The following HECW1 variants were observed in gnomAD, a reference collection of about 807,000 sequenced individuals.
The protein encoded by HECW1 is HECT, C2 and WW domain containing E3 ubiquitin protein ligase 1, also known as E3 ubiquitin-protein ligase HECW1.
In HECW1, 61 loss-of-function variants were observed where a neutral mutation model predicts 182.3. The ratio of observed to expected loss-of-function variants is 0.33; its 90% CI spans 0.27 to 0.41. The LOEUF is 0.41. Ranked by LOEUF, HECW1 falls within the 10% of genes least tolerant of loss-of-function variation. HECW1 has a pLI of 1.00. For synonymous variants in HECW1, 859 were observed against 832.6 expected (o/e 1.03, Z -0.55); for missense variants, 1,739 against 2,108.9 (o/e 0.82, Z 3.44).
intron 24 of HECW1, among the ~76,000 whole-genome samples, chr7:43,537,015 A>T (rs1472030532): frequency 6.6e-6 from 1 of 152,198 alleles, no homozygotes; most frequent in Non-Finnish European, 1.5e-5. Flanking sequence ...AGAGGCTGAG[A>T]CGGTAGAAGC....
chr7:43,491,984 A>C, intron 17 of HECW1, 91 bp from the exon 18 acceptor site: 1 of 903,762 alleles, frequency 1.1e-6, no homozygotes, highest in South Asian at 1.5e-5. Context: ...TGACTTCAAA[A>C]TCTTTTACCC....
At chr7:43,535,168 G>A (rs35960515) in intron 24 of HECW1, among the ~76,000 whole-genome samples, 15,777 of 152,226 alleles carry the variant, frequency 0.1, 962 homozygotes, top group East Asian at 0.28. Context: ...CAAATGGCCC[G>A]AAGAAGAGTC....
chr7:43,425,094 G>A (rs564778335), intron 8 of HECW1, among the ~76,000 whole-genome samples: 22 of 152,198 alleles, frequency 1.4e-4, no homozygotes, highest in Admixed American at 4.6e-4. Flanking sequence ...GCAGCCTGCC[G>A]GTAATGTGGA....
At chr7:43,396,220 T>G (rs901037039) in intron 6 of HECW1, among the ~76,000 whole-genome samples, 1 of 152,168 alleles carries the variant, frequency 6.6e-6, no homozygotes, top group African/African-American at 2.4e-5. Flanking sequence ...TTTAGCAACA[T>G]TGTTTTCAAA....
In HECW1 at chr7:43,508,103, C is replaced by G; in HGVS notation, c.3838C>G (p.Leu1280Val). The change falls in exon 23 of 30, where the codon CTC becomes GTC. Residue 1280 changes from leucine (L) to valine (V), a missense_variant. Around this residue, in one of 5 missense-constraint regions of HECW1, gnomAD observed 420 missense variants for 595.7 expected, o/e 0.71. Transcript: ENST00000395891. ...GCGGAAAGAGCTCCAGCGAAACAAGCTCTACGTCACCTTTGTTGGAGAGGA... is the reference window on the plus strand; with the variant it reads ...GCGGAAAGAGCTCCAGCGAAACAAGGTCTACGTCACCTTTGTTGGAGAGGA... The part of the protein sequence containing the change: ...YSRKELQRNK[L>V]YVTFVGEEGL... The G allele has an allele frequency of 6.2e-7, 1 of 1,613,852 alleles. No individual in the cohort carries two copies.
In HECW1 at chr7:43,360,695, A is replaced by G. The variant is rs113866271; in HGVS notation, c.461-191A>G. Reference sequence around the variant, plus strand: ...ATACAAAAATGTTAAGGCCAGAACAATTTTTCATGTCACAGTTTTAAGAAG... The same window carrying G: ...ATACAAAAATGTTAAGGCCAGAACAGTTTTTCATGTCACAGTTTTAAGAAG... On this transcript the variant is annotated intron_variant, in intron 5 of 29. Transcript: ENST00000395891. 5.7e-3 allele frequency among the ~76,000 whole-genome samples: 863 copies of G among 152,170 alleles called. 10 individuals carry two copies. Among genetic ancestry groups the G allele is most frequent in the African/African-American group, 0.02 (826 of 41,492 alleles).
chr7:43,449,644 C>G (rs1030720170), intron 11 of HECW1, among the ~76,000 whole-genome samples: 1 of 152,220 alleles, frequency 6.6e-6, no homozygotes, highest in Non-Finnish European at 1.5e-5. Context: ...TTTTCAGTCT[C>G]TCTCCTTTTT....
chr7:43,304,683 G>A (rs1404461103), intron 3 of HECW1, among the ~76,000 whole-genome samples: 7 of 152,022 alleles, frequency 4.6e-5, no homozygotes, highest in Non-Finnish European at 8.8e-5. Context: ...TAGTAGAGAC[G>A]GGGTTTCACC....
At chr7:43,308,367 CAT>C (rs1335269135) in intron 3 of HECW1, among the ~76,000 whole-genome samples, 23 of 103,990 alleles carry the variant, frequency 2.2e-4, no homozygotes, top group Non-Finnish European at 3.5e-4. Flanking sequence ...TATAATATAA[CAT>C]ATAATATATT....
intron 9 of HECW1, chr7:43,440,624 A>C (rs910225932): frequency 6.6e-6 from 1 of 152,250 alleles, no homozygotes; most frequent in African/African-American, 2.4e-5. Flanking sequence ...CTGAAAGTAA[A>C]TGCAAAGCAT....
chr7:43,529,502 C>G lies in HECW1; in HGVS notation c.4020-11661C>G, dbSNP rs192553990. Among the ~76,000 whole-genome samples the G allele has an allele frequency of 1.4e-3, 215 of 152,262 alleles. 1 individual carries two copies. Among genetic ancestry groups the G allele is most frequent in the Non-Finnish European group, 2.0e-3 (136 of 68,016 alleles). On this transcript the variant is annotated intron_variant, in intron 24 of 29. Coordinates refer to ENST00000395891, the MANE Select transcript of HECW1 (RefSeq NM_015052.5). ...TCCCTGACCTCAGAAAGTGCCACAG[C>G]AAAGCTCACCAGTCCTGTTACAGGG...
chr7:43,549,044 T>C (rs919097146), intron 26 of HECW1, among the ~76,000 whole-genome samples: 6 of 152,222 alleles, frequency 3.9e-5, no homozygotes, highest in African/African-American at 1.4e-4. Flanking sequence ...CCTGCACTCT[T>C]AGCCCAGATG....
rs772206662 is a variant in HECW1, at chr7:43,509,073, C to T, written c.3971C>T (p.Thr1324Met). Residue 1324 changes from threonine to methionine, a missense_variant, in exon 24 of 30, where the codon ACG becomes ATG. By Grantham distance (81) the Thr-to-Met change is moderately conservative. Around this residue, in one of 5 missense-constraint regions of HECW1, gnomAD observed 420 missense variants for 595.7 expected, o/e 0.71. Transcript: ENST00000395891. ...LFEYSANDTY[T>M]VQISPMSAFV... ...GAGTACTCGGCAAATGATACTTACA[C>T]GGTGCAGATCAGCCCCATGTCCGCA... 47 of 1,613,978 alleles carry T rather than the reference C, an allele frequency of 2.9e-5. No individual in the cohort carries two copies. Among genetic ancestry groups the T allele is most frequent in the Non-Finnish European group, 3.7e-5 (44 of 1,179,952 alleles).
chr7:43,285,221 G>A (rs1480377812), intron 3 of HECW1, among the ~76,000 whole-genome samples: 1 of 152,162 alleles, frequency 6.6e-6, no homozygotes, highest in Non-Finnish European at 1.5e-5. Flanking sequence ...CCTGGGATTA[G>A]ATATGTAGAC....
At chr7:43,265,102 A>G (rs1369593245) in intron 3 of HECW1, among the ~76,000 whole-genome samples, 1 of 152,164 alleles carries the variant, frequency 6.6e-6, no homozygotes, top group Non-Finnish European at 1.5e-5. Flanking sequence ...AACAACCCTC[A>G]TATTTTAGTG....
intron 24 of HECW1, among the ~76,000 whole-genome samples, chr7:43,519,910 A>G (rs1307309576): frequency 6.6e-6 from 1 of 152,208 alleles, no homozygotes; most frequent in East Asian, 1.9e-4. Flanking sequence ...GATAAAAAAT[A>G]TGGAAGGGCA....
chr7:43,400,963 C>A (rs1326645404), intron 7 of HECW1, among the ~76,000 whole-genome samples: 2 of 152,192 alleles, frequency 1.3e-5, no homozygotes, highest in Non-Finnish European at 1.5e-5. Flanking sequence ...CTTCTCTCAT[C>A]ACATTGCCTT....
intron 3 of HECW1, among the ~76,000 whole-genome samples, chr7:43,264,188 C>T (rs980583949): frequency 6.6e-6 from 1 of 152,168 alleles, no homozygotes; most frequent in African/African-American, 2.4e-5. Flanking sequence ...ATCTCTAAAA[C>T]TTATTCTAAC....
intron 13 of HECW1, among the ~76,000 whole-genome samples, chr7:43,460,413 C>A (rs1563007301): frequency 1.3e-5 from 2 of 152,088 alleles, no homozygotes; most frequent in African/African-American, 4.8e-5. Flanking sequence ...GTAGTTTCTC[C>A]CATGTGAATT....
Sources: allele counts gnomAD v4.1 joint callset (sites outside exome capture counted in the v4.1 genomes callset), GRCh38; gene constraint gnomAD v4.1.1; regional missense constraint gnomAD v4.1.1; transcripts MANE v1.5; gene names NCBI Gene and HGNC (gene_info 2026-07-23, HGNC 2026-07-21).